DLGAP5: variants seen among roughly 807,000 people sequenced by gnomAD.
DLGAP5 encodes the protein DLG associated protein 5, also known as disks large-associated protein 5.
Under a neutral mutation model 99.6 loss-of-function variants are expected in DLGAP5, and 90 were observed. The observed-to-expected ratio is 0.90, with a 90% CI of 0.76 to 1.08. The LOEUF (loss-of-function observed/expected upper bound fraction) is 1.08. Among genes scored for constraint, DLGAP5 ranks in the 50% least tolerant of loss-of-function variants. The pLI is 0.00. For synonymous variants in DLGAP5, 311 were observed against 321.3 expected (o/e 0.97, Z 0.34); for missense variants, 1,036 against 983.5 (o/e 1.05, Z -0.71).
intron 12 of DLGAP5, among the ~76,000 whole-genome samples, chr14:55,167,625 G>T (rs1566499925): frequency 6.6e-6 from 1 of 152,130 alleles, no homozygotes; most frequent in South Asian, 2.1e-4. Context: ...TCTCATCTTT[G>T]TGAAGGACAT....
intron 10 of DLGAP5, among the ~76,000 whole-genome samples, chr14:55,172,324 C>T (rs1882888343): frequency 7.7e-6 from 1 of 130,702 alleles, no homozygotes; most frequent in Non-Finnish European, 1.6e-5. Flanking sequence ...CCAATCTCTA[C>T]TTAAAAAAAA....
chr14:55,189,257 G>T, intron 1 of DLGAP5, 77 bp from the exon 2 acceptor site: 1 of 1,136,076 alleles, frequency 8.8e-7, no homozygotes, highest in Non-Finnish European at 1.3e-6. Context: ...TTCATTTCCT[G>T]TCCCACTTCA....
At chr14:55,160,750 G>C (rs1274955204) in intron 13 of DLGAP5, among the ~76,000 whole-genome samples, 1 of 152,064 alleles carries the variant, frequency 6.6e-6, no homozygotes, top group East Asian at 1.9e-4. Context: ...GCCTAGAAGA[G>C]TTAGAATTTA....
At chr14:55,148,758 A>C (rs755054720) in intron 18 of DLGAP5, 18 of 454,824 alleles carry the variant, frequency 4.0e-5, no homozygotes, top group Non-Finnish European at 4.0e-6. Flanking sequence ...AACAATGATT[A>C]TGCTACTTTC....
At chr14:55,151,523 CA>C (rs55878559) in intron 17 of DLGAP5, among the ~76,000 whole-genome samples, 171 bp downstream of exon 17, 144,455 of 146,420 alleles carry the variant, frequency 0.99, 71,251 homozygotes, top group East Asian at 1. Flanking sequence ...GACTCCATCT[CA>C]AAAAAAAAAA....
chr14:55,158,719 G>A lies in DLGAP5; in HGVS notation c.1676C>T (p.Ala559Val), dbSNP rs1238226996. ...VFRKKVVSGI[A>V]SKPKQDDAGR... ...AGCATCATCCTGTTTTGGTTTACTT[G>A]CTATACCTGAGACAACTTTTTTCTG... The change falls in exon 14 of 19, where the codon GCA (alanine) becomes GTA (valine). Residue 559 changes from alanine to valine, a missense_variant. Ala to Val is a moderately conservative substitution (Grantham distance 64). Transcript: ENST00000247191. 1.2e-6 allele frequency: 2 copies of A among 1,613,778 alleles called. No individual in the cohort carries two copies. Among genetic ancestry groups the A allele is most frequent in the South Asian group, 1.1e-5 (1 of 91,056 alleles).
intron 1 of DLGAP5, among the ~76,000 whole-genome samples, chr14:55,189,495 T>C (rs1883537900): frequency 6.7e-6 from 1 of 150,134 alleles, no homozygotes; most frequent in Non-Finnish European, 1.5e-5. Context: ...AAGGTGAAAA[T>C]AGGTTAAGTG....
chr14:55,154,184 G>A (rs1882120737), intron 15 of DLGAP5, among the ~76,000 whole-genome samples: 1 of 152,060 alleles, frequency 6.6e-6, no homozygotes, highest in African/African-American at 2.4e-5. Flanking sequence ...TTTCTACAAA[G>A]CCTGGTAAAA....
chr14:55,178,535 C>A (rs533222211), intron 7 of DLGAP5, among the ~76,000 whole-genome samples: 125 of 152,254 alleles, frequency 8.2e-4, no homozygotes, highest in African/African-American at 2.9e-3. Flanking sequence ...GGTATTTCAA[C>A]CTGGACAAGA....
At position 55,180,678 on chromosome 14, in the gene DLGAP5, C is replaced by A. The variant is rs999521804; in HGVS notation, c.681G>T (p.Lys227Asn). The A allele has an allele frequency of 6.2e-7, 1 of 1,614,134 alleles. No homozygotes were observed. The highest frequency in any genetic ancestry group is 8.5e-7 in the Non-Finnish European group (1 of 1,180,024). The part of the protein sequence containing the change: ...PRTVSSTTAR[K>N]PVTRAANENE... The stretch of plus-strand genomic sequence containing the variant: ...CACCATTAGCAGCTCTTGTGACTGG[C>A]TTTCTTGCTGTGGTAGATGAGACTG... The change falls in exon 6 of 19, where the codon AAG becomes AAT. Residue 227 changes from lysine to asparagine, a missense_variant. By Grantham distance (94) the Lys-to-Asn change is moderately conservative. Coordinates refer to ENST00000247191, the MANE Select transcript of DLGAP5 (RefSeq NM_014750.5).
At position 55,163,047 on chromosome 14, in the gene DLGAP5, T is replaced by C. The variant is rs1450382055; in HGVS notation, c.1577A>G (p.Asn526Ser). The C allele has an allele frequency of 1.2e-6, 2 of 1,600,040 alleles. No homozygotes were observed. Among genetic ancestry groups the C allele is most frequent in the Non-Finnish European group, 1.7e-6 (2 of 1,173,164 alleles). The change falls in exon 13 of 19, where the codon AAT (asparagine) becomes AGT (serine). Residue 526 changes from asparagine to serine, a missense_variant. Transcript: ENST00000247191. ...QIEDVIHKFN[N>S]LIKLEESGWQ... ...CCCAGATTCCTCAAGTTTGATCAGA[T>C]TGTTGAATTTGTGGATTACATCTTC...
chr14:55,166,310 A>G (rs1882639113), intron 12 of DLGAP5, among the ~76,000 whole-genome samples: 1 of 152,252 alleles, frequency 6.6e-6, no homozygotes, highest in Non-Finnish European at 1.5e-5. Context: ...GTATGATTCT[A>G]TTTATATGAA....
intron 13 of DLGAP5, among the ~76,000 whole-genome samples, chr14:55,160,644 C>G (rs755061109): frequency 2.0e-5 from 3 of 151,774 alleles, no homozygotes; most frequent in Non-Finnish European, 4.4e-5. Context: ...ACAGGGTACA[C>G]CATGCTGGCC....
intron 3 of DLGAP5, among the ~76,000 whole-genome samples, chr14:55,183,340 A>G (rs962484095): frequency 1.3e-5 from 2 of 152,196 alleles, no homozygotes; most frequent in Admixed American, 6.5e-5. Flanking sequence ...AACATTGTTC[A>G]GCCTGATTCT....
chr14:55,176,596 G>A (rs1332267191), intron 8 of DLGAP5, among the ~76,000 whole-genome samples: 2 of 135,104 alleles, frequency 1.5e-5, no homozygotes, highest in Admixed American at 6.7e-5. Flanking sequence ...TGTACCTTCT[G>A]AAGAATTTTT....
intron 12 of DLGAP5, among the ~76,000 whole-genome samples, chr14:55,164,567 T>A (rs2140312998): frequency 6.6e-6 from 1 of 151,720 alleles, no homozygotes; most frequent in Non-Finnish European, 1.5e-5. Context: ...CAGGAGAAAA[T>A]CTTTGTGACT....
Position 55,177,110 on chromosome 14 carries a change from T to C in DLGAP5, c.1001A>G (p.Asn334Ser), listed in dbSNP as rs139172891. 92 of 1,537,564 alleles carry C rather than the reference T, an allele frequency of 6.0e-5. No homozygotes were observed. Among genetic ancestry groups the C allele is most frequent in the East Asian group, 4.0e-4 (17 of 42,128 alleles). Reference sequence around the variant, plus strand: ...GGTGTAACTGGGTGTCAAAAAAGCATTGGCACTTCTGGGAGTCATAGGTGT... The same window carrying C: ...GGTGTAACTGGGTGTCAAAAAAGCACTGGCACTTCTGGGAGTCATAGGTGT... The part of the protein sequence containing the change: ...QVTPMTPRSA[N>S]AFLTPSYTWT... The change falls in exon 8 of 19, where the codon AAT becomes AGT. Residue 334 changes from asparagine to serine, a missense_variant. Physicochemically the swap from Asn to Ser is conservative, Grantham distance 46. Transcript: ENST00000247191.
chr14:55,186,652 G>C (rs902791635), intron 2 of DLGAP5, among the ~76,000 whole-genome samples: 8 of 145,408 alleles, frequency 5.5e-5, no homozygotes, highest in Non-Finnish European at 8.8e-5. Flanking sequence ...ATATCTAAGG[G>C]TTTGATTATA....
intron 13 of DLGAP5, among the ~76,000 whole-genome samples, chr14:55,161,178 G>A (rs540109546): frequency 6.6e-6 from 1 of 152,180 alleles, no homozygotes; most frequent in East Asian, 1.9e-4. Context: ...AAGTAGGAGA[G>A]AGACACCTGG....
Sources: gnomAD v4.1 joint callset for allele counts (sites outside exome capture counted in the v4.1 genomes callset) on GRCh38, gnomAD v4.1.1 for gene constraint, MANE v1.5 for transcripts, NCBI Gene and HGNC (gene_info 2026-07-23, HGNC 2026-07-21) for gene names.